SEPTIN7: variants seen among roughly 807,000 people sequenced by gnomAD.
The protein encoded by SEPTIN7 is septin-7.
Under a neutral mutation model 63.3 loss-of-function variants are expected in SEPTIN7, and 10 were observed. That is an observed-to-expected ratio of 0.16 (90% CI 0.10 to 0.27). The LOEUF is 0.27. SEPTIN7 is among the 10% of genes least tolerant of loss of function. The pLI, the probability that SEPTIN7 is intolerant of heterozygous loss-of-function variation, is 1.00. For synonymous variants in SEPTIN7, 131 were observed against 165.3 expected, an observed-to-expected ratio of 0.79 and a Z score of 1.59; for missense variants, 310 against 521.0, an observed-to-expected ratio of 0.59 and a Z score of 3.94.
intron 1 of SEPTIN7, among the ~76,000 whole-genome samples, chr7:35,810,308 G>A (rs990154348): frequency 6.6e-5 from 10 of 151,564 alleles, no homozygotes; most frequent in African/African-American, 2.4e-4. Flanking sequence ...AGTTTCTGGG[G>A]TAGTACTAAA....
chr7:35,853,772 T>C (rs1383583679), intron 3 of SEPTIN7, among the ~76,000 whole-genome samples: 2 of 152,176 alleles, frequency 1.3e-5, no homozygotes, highest in Admixed American at 1.3e-4. Flanking sequence ...ATGTCAGATA[T>C]GGTCCAACCT....
In SEPTIN7 at chr7:35,903,188, G is replaced by A. The variant is rs1332746119; in HGVS notation, c.1247G>A (p.Arg416His). The change falls in exon 13 of 14, where the codon CGT (arginine) becomes CAT (histidine). Residue 416 changes from arginine to histidine, a missense_variant. This residue lies in a region of SEPTIN7 where 255 missense variants were observed against 490.5 expected (regional missense o/e 0.52). Coordinates refer to ENST00000350320, the MANE Select transcript of SEPTIN7 (RefSeq NM_001788.6). ...AAAGCAAACTGGGAAGCTCAACAAC[G>A]TATTTTAGAACAACAGAACTCTTCA... is the stretch of plus-strand genomic sequence containing the variant. ...DEKANWEAQQ[R>H]ILEQQNSSRT... 6 of 1,598,894 alleles carry A rather than the reference G, an allele frequency of 3.8e-6. No homozygotes were observed. Among genetic ancestry groups the A allele is most frequent in the Non-Finnish European group, 5.1e-6 (6 of 1,174,004 alleles).
rs1475550555 is a variant in SEPTIN7, at chr7:35,825,967, G to C, written c.62-5525G>C. Among the ~76,000 whole-genome samples, 5 of 152,176 alleles carry C rather than the reference G, an allele frequency of 3.3e-5. No homozygotes were observed. The East Asian group carries it at 7.7e-4, about 23-fold the overall frequency. On this transcript the variant is annotated intron_variant, in intron 1 of 13. Transcript: ENST00000350320. ...ATCAGTAAAAAGAGGAGAGCTGGGGGCATGCTAAATAGGTTATGAACCTTT... is the reference window on the plus strand; with the variant it reads ...ATCAGTAAAAAGAGGAGAGCTGGGGCCATGCTAAATAGGTTATGAACCTTT...
chr7:35,862,688 T>C (rs1348578188), intron 3 of SEPTIN7, among the ~76,000 whole-genome samples: 4 of 152,294 alleles, frequency 2.6e-5, no homozygotes, highest in Non-Finnish European at 4.4e-5. Flanking sequence ...GACATAAAAA[T>C]ATTGTGACAT....
chr7:35,873,651 G>A lies in SEPTIN7; in HGVS notation c.388G>A (p.Val130Ile), dbSNP rs1786296056. 1.9e-6 allele frequency: 3 copies of A among 1,609,244 alleles called. No homozygotes were observed. Among genetic ancestry groups the A allele is most frequent in the Non-Finnish European group, 2.5e-6 (3 of 1,178,432 alleles). Residue 130 changes from valine (V) to isoleucine (I), a missense_variant, in exon 6 of 14, where the codon GTT (valine) becomes ATT (isoleucine). Coordinates refer to ENST00000350320, the MANE Select transcript of SEPTIN7 (RefSeq NM_001788.6). The part of the protein sequence containing the change: ...AVDNSNCWQP[V>I]IDYIDSKFED... ...ATTTGCGTTCTATAGCTGGCAGCCT[G>A]TTATCGACTACATTGATAGTAAATT...
Position 35,844,575 on chromosome 7 carries a change from A to T in SEPTIN7, c.169+11675A>T, listed in dbSNP as rs182233304. Among the ~76,000 whole-genome samples the T allele has an allele frequency of 8.6e-5, 13 of 150,860 alleles. No homozygotes were observed. In the East Asian group the frequency reaches 2.5e-3, roughly 29 times the overall value. Reference sequence around the variant, plus strand: ...CCCTGGACAGATCACTTTGAATCTCACTTTCCTTTTCACAACAAATATTTA... The same window carrying T: ...CCCTGGACAGATCACTTTGAATCTCTCTTTCCTTTTCACAACAAATATTTA... On this transcript the variant is annotated intron_variant, in intron 3 of 13. Coordinates refer to ENST00000350320, the MANE Select transcript of SEPTIN7 (RefSeq NM_001788.6).
chr7:35,859,901 C>T (rs1785413013), intron 3 of SEPTIN7, among the ~76,000 whole-genome samples: 4 of 152,108 alleles, frequency 2.6e-5, no homozygotes, highest in South Asian at 4.1e-4. Flanking sequence ...TTTACAGATA[C>T]GCAGTTGGGT....
rs1255020092 is a variant in SEPTIN7, at chr7:35,905,328, A to G, written c.*1035A>G. On this transcript the variant is annotated 3_prime_UTR_variant, in exon 14 of 14. Coordinates refer to ENST00000350320, the MANE Select transcript of SEPTIN7 (RefSeq NM_001788.6). ...TGTAATATTGTGTGAGGTCTTAAAT[A>G]TCCTACAGTCGATGTACAAGAGTAG... is the stretch of plus-strand genomic sequence containing the variant. The G allele has an allele frequency of 6.6e-6, 1 of 152,634 alleles. No individual in the cohort carries two copies. The highest frequency in any genetic ancestry group is 2.4e-5 in the African/African-American group (1 of 41,462). 9.5% of individuals were successfully genotyped at this position (152,634 alleles called of 1,614,324 possible).
At chr7:35,813,594 C>CA (rs757374412) in intron 1 of SEPTIN7, among the ~76,000 whole-genome samples, 16 of 152,138 alleles carry the variant, frequency 1.1e-4, no homozygotes, top group Non-Finnish European at 1.9e-4. Flanking sequence ...AAGCTGGTCT[C>CA]AAACTCCTGA....
At chr7:35,878,925 A>AG (rs1307348155) in intron 6 of SEPTIN7, among the ~76,000 whole-genome samples, 2 of 152,240 alleles carry the variant, frequency 1.3e-5, no homozygotes, top group Non-Finnish European at 2.9e-5. Context: ...GACCAATTGA[A>AG]GATAATTGAA....
chr7:35,885,960 A>G (rs1308440612), intron 10 of SEPTIN7, 81 bp downstream of exon 10: 4 of 901,136 alleles, frequency 4.4e-6, no homozygotes, highest in Non-Finnish European at 7.0e-6. Flanking sequence ...TTTGCCTTCT[A>G]TAAATGTAGC....
chr7:35,839,345 C>A (rs1474664534), intron 3 of SEPTIN7, among the ~76,000 whole-genome samples: 1 of 152,110 alleles, frequency 6.6e-6, no homozygotes, highest in Non-Finnish European at 1.5e-5. Context: ...CTGTGGCTAT[C>A]TGATATTTTA....
intron 3 of SEPTIN7, among the ~76,000 whole-genome samples, chr7:35,841,762 C>G (rs755888365): frequency 3.0e-4 from 46 of 152,200 alleles, no homozygotes; most frequent in Non-Finnish European, 6.3e-4. Flanking sequence ...GTTAGTGTAA[C>G]TTCTTTACAG....
At chr7:35,822,503 G>A (rs1490903682) in intron 1 of SEPTIN7, among the ~76,000 whole-genome samples, 1 of 152,112 alleles carries the variant, frequency 6.6e-6, no homozygotes, top group Non-Finnish European at 1.5e-5. Flanking sequence ...TCACAATAGG[G>A]TTCACTCTCC....
At chr7:35,834,199 G>A (rs1294086890) in intron 3 of SEPTIN7, among the ~76,000 whole-genome samples, 1 of 151,926 alleles carries the variant, frequency 6.6e-6, no homozygotes, top group Non-Finnish European at 1.5e-5. Flanking sequence ...GTGACAAACT[G>A]TAGACAAATA....
rs1787191811 is a variant in SEPTIN7 at position 35,885,720 on chromosome 7, T to G, written c.821-108T>G. 5.0e-6 allele frequency: 4 copies of G among 805,564 alleles called. No individual in the cohort carries two copies. In the Admixed American group the frequency reaches 8.3e-5, roughly 17 times the overall value. The allele number at this position is 805,564 out of a possible 1,614,324, so 49.9% of individuals were successfully genotyped here. The stretch of plus-strand genomic sequence containing the variant: ...TTAAATCTCAAAAAAATTGATCTGT[T>G]TTGCATTTCCTCTTCTTGTTTTTAC... On this transcript the variant is annotated intron_variant, in intron 9 of 13. Coordinates refer to ENST00000350320, the MANE Select transcript of SEPTIN7 (RefSeq NM_001788.6).
intron 12 of SEPTIN7, chr7:35,901,740 T>C (rs1430961792): frequency 1.3e-5 from 2 of 152,190 alleles, no homozygotes; most frequent in East Asian, 1.9e-4. Context: ...TGTCCCCTAT[T>C]GTATCCCTCT....
chr7:35,911,057 C>T (rs1397251198), downstream of SEPTIN7, among the ~76,000 whole-genome samples: 1 of 152,170 alleles, frequency 6.6e-6, no homozygotes, highest in Non-Finnish European at 1.5e-5. Context: ...CATGTCAAGA[C>T]TGATGCTGAG....
intron 7 of SEPTIN7, among the ~76,000 whole-genome samples, chr7:35,880,515 C>T (rs546586933): frequency 6.6e-6 from 1 of 151,594 alleles, no homozygotes; most frequent in Non-Finnish European, 1.5e-5. Flanking sequence ...TCATTTTTTT[C>T]CCCCTTTTTG....
Sources: gnomAD v4.1 joint callset for allele counts (sites outside exome capture counted in the v4.1 genomes callset) on GRCh38, gnomAD v4.1.1 for gene constraint, gnomAD v4.1.1 regional missense constraint, MANE v1.5 for transcripts, NCBI Gene and HGNC (gene_info 2026-07-23, HGNC 2026-07-21) for gene names.